The following PHF21B variants were observed in gnomAD, a reference collection of about 807,000 sequenced individuals.
PHF21B encodes PHD finger protein 21B.
A neutral mutation model predicts 62.2 loss-of-function variants in PHF21B; 22 were observed. The observed-to-expected ratio is 0.35, with a 90% CI of 0.25 to 0.51. The LOEUF is 0.51. Among genes scored for constraint, PHF21B ranks in the 20% least tolerant of loss-of-function variants. The pLI, the probability that PHF21B is intolerant of heterozygous loss-of-function variation, is 0.97. For missense variants in PHF21B, 701 were observed against 707.9 expected (o/e 0.99, Z 0.11); for synonymous variants, 341 against 314.7 (o/e 1.08, Z -0.88).
chr22:44,978,281 ACAC>A (rs2072775569), intron 2 of PHF21B, among the ~76,000 whole-genome samples: 1 of 152,078 alleles, frequency 6.6e-6, no homozygotes, highest in Non-Finnish European at 1.5e-5. Flanking sequence ...GGAGCCCCCA[ACAC>A]CGTCATCATT....
rs776109462 is a variant in PHF21B at position 44,913,826 on chromosome 22, G to C, written c.827C>G (p.Pro276Arg). 6.2e-7 allele frequency: 1 copy of C among 1,612,926 alleles called. No individual in the cohort carries two copies. Among genetic ancestry groups the C allele is most frequent in the Admixed American group, 1.7e-5 (1 of 59,974 alleles). ...CTCCGGAGAGGCCTGTCCTACCTCG[G>C]GGTTCTCCTGGGTCGGGGGCCGGTC... ...KEDRPPTQEN[P>R]EKIAFMVALG... The change falls in exon 5 of 13, where the codon CCC becomes CGC. Residue 276 changes from proline to arginine, a missense_variant. By Grantham distance (103) the Pro-to-Arg change is moderately radical. Transcript: ENST00000313237.
chr22:44,906,705 C>T (rs1370197597), intron 5 of PHF21B, among the ~76,000 whole-genome samples: 1 of 152,252 alleles, frequency 6.6e-6, no homozygotes, highest in African/African-American at 2.4e-5. Context: ...CGTGACCGTA[C>T]ATGTGGTTTC....
At chr22:44,886,549 T>C (rs905390818) in intron 10 of PHF21B, among the ~76,000 whole-genome samples, 3 of 151,672 alleles carry the variant, frequency 2.0e-5, no homozygotes, top group Non-Finnish European at 2.9e-5. Flanking sequence ...TAGCTGGCCA[T>C]GGTGGTGTGT....
At chr22:44,983,965 G>A (rs867274256) in intron 2 of PHF21B, among the ~76,000 whole-genome samples, 63 of 151,622 alleles carry the variant, frequency 4.2e-4, no homozygotes, top group African/African-American at 1.3e-3. Flanking sequence ...GCCCCTTTCC[G>A]ACATGCCGAT....
At chr22:44,929,292 G>A (rs182333282) in intron 2 of PHF21B, among the ~76,000 whole-genome samples, 3 of 152,154 alleles carry the variant, frequency 2.0e-5, no homozygotes, top group South Asian at 2.1e-4. Flanking sequence ...CTGGTTCCAC[G>A]GGCCGCTGCT....
At chr22:44,888,175 G>A in intron 9 of PHF21B, 54 bp from the exon 10 acceptor site, 6 of 1,436,644 alleles carry the variant, frequency 4.2e-6, no homozygotes, top group Non-Finnish European at 4.6e-6. Flanking sequence ...GGCAGCGGGG[G>A]CCGGTCAGCC....
intron 2 of PHF21B, among the ~76,000 whole-genome samples, chr22:44,994,477 G>A (rs750161530): frequency 6.6e-6 from 1 of 152,224 alleles, no homozygotes; most frequent in Non-Finnish European, 1.5e-5. Context: ...TCGAGCCTCC[G>A]GAGGGAGTGC....
intron 2 of PHF21B, chr22:45,001,900 AG>A (rs1235614049): frequency 2.0e-5 from 3 of 152,352 alleles, no homozygotes; most frequent in African/African-American, 7.2e-5. Flanking sequence ...CCAAGGATAC[AG>A]TGGGGCAGGA....
At chr22:44,954,165 A>G (rs967868853) in intron 2 of PHF21B, among the ~76,000 whole-genome samples, 1 of 152,132 alleles carries the variant, frequency 6.6e-6, no homozygotes, top group Admixed American at 6.5e-5. Flanking sequence ...TTATTAATGC[A>G]TTGTACGTTT....
At chr22:44,992,871 TTTC>T (rs2073063970) in intron 2 of PHF21B, among the ~76,000 whole-genome samples, 2 of 152,282 alleles carry the variant, frequency 1.3e-5, no homozygotes, top group South Asian at 4.2e-4. Flanking sequence ...TCTCCCTGGT[TTTC>T]TTCATTTCAG....
intron 2 of PHF21B, among the ~76,000 whole-genome samples, chr22:44,960,606 C>A (rs1396410072): frequency 6.6e-6 from 1 of 152,210 alleles, no homozygotes; most frequent in Non-Finnish European, 1.5e-5. Context: ...GACATCTGGG[C>A]AAGCATTACT....
At chr22:44,905,844 G>A (rs1161304072) in intron 5 of PHF21B, among the ~76,000 whole-genome samples, 5 of 152,138 alleles carry the variant, frequency 3.3e-5, no homozygotes, top group Non-Finnish European at 7.4e-5. Context: ...TAGCCAGGAT[G>A]GTCTCAATCT....
At chr22:44,899,217 G>A (rs1311019356) in intron 5 of PHF21B, among the ~76,000 whole-genome samples, 1 of 151,822 alleles carries the variant, frequency 6.6e-6, no homozygotes. Flanking sequence ...TTAACTTTGG[G>A]CATAATGACA....
At chr22:44,986,421 G>C (rs1448943830) in intron 2 of PHF21B, among the ~76,000 whole-genome samples, 2 of 149,756 alleles carry the variant, frequency 1.3e-5, no homozygotes, top group African/African-American at 4.9e-5. Flanking sequence ...ATTACCACCT[G>C]CATCCGCATG....
chr22:44,977,559 T>C (rs1381290178), intron 2 of PHF21B, among the ~76,000 whole-genome samples: 2 of 149,956 alleles, frequency 1.3e-5, no homozygotes, highest in African/African-American at 4.9e-5. Context: ...AGCGAGACTG[T>C]GTCTCAAAAA....
Position 44,928,259 on chromosome 22 carries a change from G to A in PHF21B, c.121-7769C>T, listed in dbSNP as rs555852976. On this transcript the variant is annotated intron_variant, in intron 2 of 12. Transcript: ENST00000313237. ...CCCCATACGGCAACACCAGCCTCAC[G>A]CCCGCCGTCCTCGAACTGCCAGGCC... Among the ~76,000 whole-genome samples the A allele has an allele frequency of 2.3e-3, 345 of 152,112 alleles. 1 individual carries two copies. Among genetic ancestry groups the A allele is most frequent in the Middle Eastern group, 0.014 (4 of 294 alleles).
At chr22:44,907,638 C>G (rs540203210) in intron 5 of PHF21B, among the ~76,000 whole-genome samples, 1 of 152,294 alleles carries the variant, frequency 6.6e-6, no homozygotes, top group East Asian at 1.9e-4. Context: ...GCCTTGGTCA[C>G]GGGAAGGGCG....
intron 5 of PHF21B, among the ~76,000 whole-genome samples, chr22:44,897,162 A>G (rs1200274793): frequency 6.6e-5 from 10 of 152,044 alleles, no homozygotes; most frequent in Non-Finnish European, 1.5e-4. Flanking sequence ...GTGGGCCACC[A>G]TGCCCAGCCA....
intron 2 of PHF21B, among the ~76,000 whole-genome samples, chr22:44,934,954 G>A (rs965604709): frequency 3.3e-5 from 5 of 152,206 alleles, no homozygotes; most frequent in African/African-American, 1.2e-4. Context: ...GGGAAGAGAA[G>A]ACATGTGGCG....
Sources: allele counts gnomAD v4.1 joint callset (sites outside exome capture counted in the v4.1 genomes callset), GRCh38; gene constraint gnomAD v4.1.1; transcripts MANE v1.5; gene names NCBI Gene and HGNC (gene_info 2026-07-23, HGNC 2026-07-21).